Variants in PRR12 observed in about 807,000 individuals in gnomAD.
PRR12 encodes proline rich 12, also known as proline-rich protein 12.
PRR12 carries 12 observed loss-of-function variants against 138.0 expected under a neutral mutation model. That is an observed-to-expected ratio of 0.09 (90% confidence interval 0.06 to 0.14). The LOEUF is 0.14. PRR12 is among the 10% of genes least tolerant of loss of function. PRR12 has a pLI of 1.00. For synonymous variants in PRR12, 1,567 were observed against 1,291.7 expected (o/e 1.21, Z -4.57); for missense variants, 2,692 against 2,861.3 (o/e 0.94, Z 1.35).
chr19:49,592,802 C>T (rs1178575099), intron 1 of PRR12, among the ~76,000 whole-genome samples: 14 of 152,152 alleles, frequency 9.2e-5, no homozygotes, highest in Admixed American at 9.2e-4. Context: ...CTCTTCTCTC[C>T]ACCCCCCAAA....
chr19:49,601,828 G>T lies in PRR12; in HGVS notation c.4683G>T (p.Thr1561=). The change falls in exon 6 of 14, where the codon ACG becomes ACT. Residue 1561 remains threonine (T), a synonymous_variant. Coordinates refer to ENST00000418929, the MANE Select transcript of PRR12 (RefSeq NM_020719.3). ...KQETAAVCGE[T]DEEAGESGGE... ...AGACGGCGGCAGTGTGTGGGGAGAC[G>T]GACGAGGAGGCCGGCGAGAGTGGCG... 6.2e-7 allele frequency: 1 copy of T among 1,612,740 alleles called. No homozygotes were observed. Among genetic ancestry groups the T allele is most frequent in the Non-Finnish European group, 8.5e-7 (1 of 1,179,872 alleles).
chr19:49,593,479 C>T, intron 2 of PRR12, 40 bp downstream of exon 2: 1 of 931,080 alleles, frequency 1.1e-6, no homozygotes, highest in Non-Finnish European at 1.7e-6. Context: ...CTGGCCCTCC[C>T]CCTCCCCCCG....
chr19:49,615,275 A>G (rs993229025), intron 8 of PRR12, among the ~76,000 whole-genome samples: 5 of 150,582 alleles, frequency 3.3e-5, no homozygotes, highest in African/African-American at 1.2e-4. Flanking sequence ...AACCAGACGC[A>G]TGAGGGAGAC....
In PRR12 at chr19:49,599,836, G is replaced by A. The variant is rs766547072; in HGVS notation, c.4243G>A (p.Asp1415Asn). The change falls in exon 5 of 14, where the codon GAC (aspartate) becomes AAC (asparagine). Residue 1415 changes from aspartate (D) to asparagine (N), a missense_variant. Around this residue, in one of 11 missense-constraint regions of PRR12, gnomAD observed 231 missense variants for 200.8 expected, o/e 1.15. Coordinates refer to ENST00000418929, the MANE Select transcript of PRR12 (RefSeq NM_020719.3). This position sits in a 1 kb window ranked among gnomAD's most constrained non-coding sequence, Gnocchi z 5.0. ...TGACCCACCCCTTGCTGGGCCAAAAGACACTTCCACCCCAGATGGGCCGCC... is the reference window on the plus strand; with the variant it reads ...TGACCCACCCCTTGCTGGGCCAAAAAACACTTCCACCCCAGATGGGCCGCC... Reference protein sequence around the residue: ...LDDPPLAGPKDTSTPDGPPLA... With the variant: ...LDDPPLAGPKNTSTPDGPPLA... 5 of 1,613,406 alleles carry A rather than the reference G, an allele frequency of 3.1e-6. No homozygotes were observed. The highest frequency in any genetic ancestry group is 4.2e-6 in the Non-Finnish European group (5 of 1,179,878).
chr19:49,621,428 G>A, intron 10 of PRR12, 97 bp from the exon 11 acceptor site: 1 of 950,210 alleles, frequency 1.1e-6, no homozygotes, highest in East Asian at 2.6e-5. Flanking sequence ...GTCTCTGAGT[G>A]GGAAGGGGAT....
Position 49,601,636 on chromosome 19 carries a change from G to T in PRR12, c.4491G>T (p.Pro1497=). ...PLVAPTPSSP[P]PPPLPPPPPP... Reference sequence around the variant, plus strand: ...TGGCCCCCACGCCCAGCTCACCACCGCCACCGCCGCTGCCGCCGCCACCTC... The same window carrying T: ...TGGCCCCCACGCCCAGCTCACCACCTCCACCGCCGCTGCCGCCGCCACCTC... Residue 1497 remains proline, a synonymous_variant, in exon 6 of 14, where the codon CCG becomes CCT. Transcript: ENST00000418929. 6.5e-7 allele frequency: 1 copy of T among 1,533,458 alleles called. No individual in the cohort carries two copies. Among genetic ancestry groups the T allele is most frequent in the Middle Eastern group, 2.3e-4 (1 of 4,370 alleles). 95.0% of individuals were successfully genotyped at this position (1,533,458 alleles called of 1,614,324 possible).
intron 8 of PRR12, 106 bp from the exon 9 acceptor site, chr19:49,615,641 G>A (rs2080888222): frequency 1.1e-6 from 1 of 894,332 alleles, no homozygotes; most frequent in Non-Finnish European, 1.7e-6. Context: ...GGAGGGGACA[G>A]TATGAGAGAA....
rs770351040 is a variant in PRR12, at chr19:49,620,359, A to G, written c.5505A>G (p.Ala1835=). ...SPGAPSEDER[A]VPGRLLKTRA... is the part of the protein sequence containing the mutation. ...GTCCTGTCTTTTCTGCAGAGCGGGC[A>G]GTACCTGGGCGTCTGCTCAAAACCA... is the stretch of plus-strand genomic sequence containing the variant. The change falls in exon 10 of 14, where the codon GCA becomes GCG. Residue 1835 remains alanine, a synonymous_variant. Coordinates refer to ENST00000418929, the MANE Select transcript of PRR12 (RefSeq NM_020719.3). 6.2e-7 allele frequency: 1 copy of G among 1,613,180 alleles called. No homozygotes were observed. The highest frequency in any genetic ancestry group is 8.5e-7 in the Non-Finnish European group (1 of 1,179,576).
chr19:49,608,842 A>C (rs965242398), intron 6 of PRR12, among the ~76,000 whole-genome samples: 7 of 133,792 alleles, frequency 5.2e-5, no homozygotes, highest in Admixed American at 4.3e-4. Context: ...ACCCTGTCTC[A>C]AAAAAAAAAA....
rs1416575157 is a variant in PRR12 at position 49,622,907 on chromosome 19, ACAT to A, written c.5721+1286_5721+1288del. ...ACTCTGTCTCAAAAAAAAAACAAAA[ACAT>A]ATATATATATATATATATAGAGAGA... On this transcript the variant is annotated intron_variant, in intron 11 of 13. Transcript: ENST00000418929. Among the ~76,000 whole-genome samples the A allele has an allele frequency of 4.6e-3, 365 of 79,240 alleles. 15 individuals are homozygous for A. The highest frequency in any genetic ancestry group is 0.022 in the African/African-American group (276 of 12,688). The allele number at this position is 79,240 out of a possible 152,430, so 52.0% of individuals were successfully genotyped here.
rs1185445005 is a variant in PRR12 at position 49,616,768 on chromosome 19, T to G, written c.5497+549T>G. 6.6e-6 allele frequency among the ~76,000 whole-genome samples: 1 copy of G among 152,160 alleles called. No homozygotes were observed. Among genetic ancestry groups the G allele is most frequent in the African/African-American group, 2.4e-5 (1 of 41,428 alleles). On this transcript the variant is annotated intron_variant, in intron 9 of 13. Transcript: ENST00000418929. This position sits in a 1 kb window ranked among gnomAD's most constrained non-coding sequence, Gnocchi z 4.2. Reference sequence around the variant, plus strand: ...CGAAGCTCATAGGAGAGTGCCAATCTTTAGTAGACACTACCTGTCTACTCC... The same window carrying G: ...CGAAGCTCATAGGAGAGTGCCAATCGTTAGTAGACACTACCTGTCTACTCC...
In PRR12 at chr19:49,595,479, C is replaced by A; in HGVS notation, c.1144C>A (p.Pro382Thr). 1 of 1,552,760 alleles carries A rather than the reference C, an allele frequency of 6.4e-7. No individual in the cohort carries two copies. Among genetic ancestry groups the A allele is most frequent in the Non-Finnish European group, 8.7e-7 (1 of 1,149,014 alleles). The change falls in exon 4 of 14, where the codon CCC becomes ACC. Residue 382 changes from proline (P) to threonine (T), a missense_variant. By Grantham distance (38) the Pro-to-Thr change is conservative (BLOSUM62 -1). This residue lies in a region of PRR12 where 523 missense variants were observed against 496.4 expected (regional missense o/e 1.05). Coordinates refer to ENST00000418929, the MANE Select transcript of PRR12 (RefSeq NM_020719.3). ...TGGGGGTGGTGGTGGAGGTTACCGC[C>A]CCATCATTCAGTCGCCTGGGTACAA... Reference protein sequence around the residue: ...GAGGGGGGYRPIIQSPGYKTG... With the variant: ...GAGGGGGGYRTIIQSPGYKTG...
At position 49,621,632 on chromosome 19, in the gene PRR12, G is replaced by T. The variant is rs1418798987; in HGVS notation, c.5721+10G>T. ...AAGCCCAGCCCTGCAGGTGCCTGGG[G>T]GTCTGGGCAGGGGGTGTCTGGGGCC... On this transcript the variant is annotated intron_variant, in intron 11 of 13. Coordinates refer to ENST00000418929, the MANE Select transcript of PRR12 (RefSeq NM_020719.3). 1.3e-6 allele frequency: 2 copies of T among 1,575,176 alleles called. No homozygotes were observed. The highest frequency in any genetic ancestry group is 1.4e-5 in the African/African-American group (1 of 73,962).
chr19:49,596,577 C>G lies in PRR12; in HGVS notation c.2242C>G (p.His748Asp). ...TPEGLATSVV[H>D]YGAGAKELGA... is the part of the protein sequence containing the mutation. ...CGAGGGGCTGGCCACCTCTGTTGTC[C>G]ACTACGGGGCAGGCGCCAAGGAGCT... The change falls in exon 4 of 14, where the codon CAC becomes GAC. Residue 748 changes from histidine to aspartate, a missense_variant. Coordinates refer to ENST00000418929, the MANE Select transcript of PRR12 (RefSeq NM_020719.3). This position sits in a 1 kb window ranked among gnomAD's most constrained non-coding sequence, Gnocchi z 5.6. The G allele has an allele frequency of 6.3e-7, 1 of 1,595,836 alleles. No individual in the cohort carries two copies.
rs1282771640 is a variant in PRR12, at chr19:49,595,543, C to T, written c.1208C>T (p.Ala403Val). 3 of 1,581,856 alleles carry T rather than the reference C, an allele frequency of 1.9e-6. No individual in the cohort carries two copies. The highest frequency in any genetic ancestry group is 3.6e-5 in the Admixed American group (2 of 55,950). The change falls in exon 4 of 14, where the codon GCC (alanine) becomes GTC (valine). Residue 403 changes from alanine to valine, a missense_variant. Physicochemically the swap from Ala to Val is moderately conservative, Grantham distance 64. Coordinates refer to ENST00000418929, the MANE Select transcript of PRR12 (RefSeq NM_020719.3). ...GGTTATGGAGCAGCTGCCGGGGGTG[C>T]CACCAGGCCCCCCCCACCCCGTTCG... is the stretch of plus-strand genomic sequence containing the variant. Reference protein sequence around the residue: ...KGGYGAAAGGATRPPPPRSTA... With the variant: ...KGGYGAAAGGVTRPPPPRSTA...
chr19:49,610,669 G>A (rs1259629974), intron 6 of PRR12, among the ~76,000 whole-genome samples: 1 of 151,012 alleles, frequency 6.6e-6, no homozygotes, highest in Non-Finnish European at 1.5e-5. Context: ...AGCCTCTCAA[G>A]TAGCTAGGAC....
intron 6 of PRR12, among the ~76,000 whole-genome samples, chr19:49,612,182 A>G (rs1163788568): frequency 7.2e-6 from 1 of 138,862 alleles, no homozygotes; most frequent in African/African-American, 2.7e-5. Context: ...GTGAGCCGAG[A>G]TTGCGCCACT....
intron 5 of PRR12, 43 bp from the exon 6 acceptor site, chr19:49,601,448 A>G (rs2080809251): frequency 2.7e-6 from 3 of 1,109,042 alleles, no homozygotes; most frequent in Non-Finnish European, 2.6e-6. Context: ...AGGTGCCAGG[A>G]ATGATGAATA....
chr19:49,625,777 C>A lies in PRR12; in HGVS notation c.*170C>A, dbSNP rs906303397. On this transcript the variant is annotated 3_prime_UTR_variant, in exon 14 of 14. Transcript: ENST00000418929. The surrounding 1 kb of genome is among the most constrained non-coding windows in gnomAD (Gnocchi z 5.5). ...CAGGGTTCAAAGTCCGACTCCCCCC[C>A]TCTCCCAAGCCCCCTCCACTCCCTC... 16 of 750,018 alleles carry A rather than the reference C, an allele frequency of 2.1e-5. No homozygotes were observed. The highest frequency in any genetic ancestry group is 4.0e-4 in the Middle Eastern group (1 of 2,496). 46.5% of individuals were successfully genotyped at this position (750,018 alleles called of 1,614,324 possible).
Sources: gnomAD v4.1 joint callset for allele counts (sites outside exome capture counted in the v4.1 genomes callset) on GRCh38, gnomAD v4.1.1 for gene constraint, gnomAD v4.1.1 regional missense constraint, Gnocchi (gnomAD v3.1) non-coding constraint, MANE v1.5 for transcripts, NCBI Gene and HGNC (gene_info 2026-07-23, HGNC 2026-07-21) for gene names.